The following SUPV3L1 variants were observed in gnomAD, a reference collection of about 807,000 sequenced individuals.
SUPV3L1 encodes ATP-dependent RNA helicase SUPV3L1, mitochondrial.
Under a neutral mutation model 70.0 loss-of-function variants are expected in SUPV3L1, and 35 were observed. The ratio of observed to expected loss-of-function variants is 0.50; its 90% CI spans 0.38 to 0.66. The LOEUF is 0.66. Among genes scored for constraint, SUPV3L1 ranks in the 30% least tolerant of loss-of-function variants. SUPV3L1 has a pLI of 0.00. For synonymous variants in SUPV3L1, 364 were observed against 341.9 expected, an observed-to-expected ratio of 1.06 and a Z score of -0.71; for missense variants, 777 against 961.5, an observed-to-expected ratio of 0.81 and a Z score of 2.54.
rs778100081 is a variant in SUPV3L1 at position 69,187,770 on chromosome 10, T to C, written c.572+14T>C. 24 of 1,523,396 alleles carry C rather than the reference T, an allele frequency of 1.6e-5. No homozygotes were observed. In the South Asian group the frequency reaches 2.9e-4, roughly 18 times the overall value. 94.4% of individuals were successfully genotyped at this position (1,523,396 alleles called of 1,614,324 possible). A position where few individuals can be genotyped will look rare whatever the true frequency, so the allele number is the denominator to read the frequency against. On this transcript the variant is annotated intron_variant, in intron 4 of 14. Transcript: ENST00000359655. Reference sequence around the variant, plus strand: ...ACCACCTAACTGGTTAGTTTCTCCATTTGTGGATTTGAAATTTTCAGTTTC... The same window carrying C: ...ACCACCTAACTGGTTAGTTTCTCCACTTGTGGATTTGAAATTTTCAGTTTC...
intron 8 of SUPV3L1, 100 bp downstream of exon 8, chr10:69,197,183 T>C: frequency 1.1e-6 from 1 of 914,202 alleles, no homozygotes; most frequent in South Asian, 1.4e-5. Flanking sequence ...GCGTCAGAAC[T>C]TAACTAAAAA....
chr10:69,201,434 T>C (rs938788664), intron 11 of SUPV3L1, among the ~76,000 whole-genome samples: 1 of 152,194 alleles, frequency 6.6e-6, no homozygotes, highest in Admixed American at 6.5e-5. Context: ...GTTAGTTTTA[T>C]TGCCTTGGTT....
In SUPV3L1 at chr10:69,180,373, C is replaced by T. The variant is rs758548235; in HGVS notation, c.82C>T (p.Leu28Phe). ...CCACCGGGCAGCCATCTGCTCTGCC[C>T]TTCGTCCCCACTTTGGGCCCTTTCC... ...AGHRAAICSA[L>F]RPHFGPFPGV... The change falls in exon 1 of 15, where the codon CTT becomes TTT. Residue 28 changes from leucine to phenylalanine, a missense_variant. This residue lies in a region of SUPV3L1 where 158 missense variants were observed against 138.3 expected (regional missense o/e 1.14). Coordinates refer to ENST00000359655, the MANE Select transcript of SUPV3L1 (RefSeq NM_003171.5). The T allele has an allele frequency of 6.2e-7, 1 of 1,614,260 alleles. No homozygotes were observed. Among genetic ancestry groups the T allele is most frequent in the South Asian group, 1.1e-5 (1 of 91,090 alleles).
chr10:69,186,471 C>T lies in SUPV3L1; in HGVS notation c.378C>T (p.Ser126=), dbSNP rs1358788607. 1 of 1,613,756 alleles carries T rather than the reference C, an allele frequency of 6.2e-7. No individual in the cohort carries two copies. Among genetic ancestry groups the T allele is most frequent in the African/African-American group, 1.3e-5 (1 of 74,912 alleles). Residue 126 remains serine, a synonymous_variant, in exon 3 of 15, where the codon AGC becomes AGT. Coordinates refer to ENST00000359655, the MANE Select transcript of SUPV3L1 (RefSeq NM_003171.5). ...DARLFHQAFI[S]FRNYIMQSHS... The stretch of plus-strand genomic sequence containing the variant: ...GTCTCTTCCACCAAGCTTTCATAAG[C>T]TTTAGAAATTATATTATGCAGTCTC...
intron 7 of SUPV3L1, 24 bp downstream of exon 7, chr10:69,195,289 AC>A: frequency 6.4e-7 from 1 of 1,566,650 alleles, no homozygotes; most frequent in Non-Finnish European, 8.7e-7. Context: ...ATGCTATAAA[AC>A]CCGTGCTTTA....
At chr10:69,201,738 T>A (rs772945245) in intron 11 of SUPV3L1, among the ~76,000 whole-genome samples, 1 of 152,036 alleles carries the variant, frequency 6.6e-6, no homozygotes, top group Non-Finnish European at 1.5e-5. Context: ...GGAATCTCCT[T>A]TTGTTGCCCA....
chr10:69,193,663 G>A (rs2135588), intron 6 of SUPV3L1, among the ~76,000 whole-genome samples: 27,263 of 151,914 alleles, frequency 0.18, 2,856 homozygotes, highest in Non-Finnish European at 0.23. Context: ...GCCTCGCCTC[G>A]GCCTCCCAAA....
intron 1 of SUPV3L1, among the ~76,000 whole-genome samples, chr10:69,184,934 T>A (rs1324596434): frequency 1.3e-5 from 2 of 152,244 alleles, no homozygotes; most frequent in Non-Finnish European, 2.9e-5. Flanking sequence ...AGTAAAATGT[T>A]TATTGAATAA....
rs779243875 is a variant in SUPV3L1 at position 69,197,066 on chromosome 10, A to G, written c.1006A>G (p.Thr336Ala). Residue 336 changes from threonine to alanine, a missense_variant, in exon 8 of 15, where the codon ACG becomes GCG. This residue lies in a region of SUPV3L1 where 619 missense variants were observed against 823.3 expected (regional missense o/e 0.75). Transcript: ENST00000359655. ...IDLVMELMYT[T>A]GEEVEVRDYK... ...CCTGGTGATGGAGCTTATGTACACA[A>G]CGGGGGAGGAAGTGGAGGTATTCGA... 12 of 1,613,990 alleles carry G rather than the reference A, an allele frequency of 7.4e-6. No individual in the cohort carries two copies. The highest frequency in any genetic ancestry group is 1.0e-5 in the Non-Finnish European group (12 of 1,179,976).
intron 10 of SUPV3L1, 69 bp from the exon 11 acceptor site, chr10:69,200,211 T>G: frequency 7.7e-7 from 1 of 1,296,892 alleles, no homozygotes. Flanking sequence ...GGAGTGAGCA[T>G]TATGCAATGA....
chr10:69,204,777 CTT>C (rs71035076), intron 13 of SUPV3L1, among the ~76,000 whole-genome samples: 7 of 144,754 alleles, frequency 4.8e-5, no homozygotes, highest in African/African-American at 5.1e-5. Context: ...AAAAAATTAT[CTT>C]TTTTTTTTTT....
intron 3 of SUPV3L1, among the ~76,000 whole-genome samples, chr10:69,187,073 A>G (rs1589377943): frequency 1.3e-5 from 2 of 152,230 alleles, no homozygotes; most frequent in Middle Eastern, 6.8e-3. Context: ...AGGAACAAAC[A>G]CATGTTTTTG....
chr10:69,207,695 A>G (rs1388606918), intron 13 of SUPV3L1, 98 bp from the exon 14 acceptor site: 3 of 1,389,080 alleles, frequency 2.2e-6, no homozygotes, highest in Non-Finnish European at 2.9e-6. Flanking sequence ...AAATACAACC[A>G]CAATGTTTTG....
intron 3 of SUPV3L1, among the ~76,000 whole-genome samples, chr10:69,187,001 C>T (rs751661442): frequency 3.9e-5 from 6 of 152,302 alleles, no homozygotes; most frequent in Admixed American, 1.3e-4. Context: ...GAGGATACAA[C>T]GCAGAATGGG....
Position 69,209,061 on chromosome 10 carries a change from T to C in SUPV3L1, c.*26T>C. Reference sequence around the variant, plus strand: ...TTTTCTGTTCCTGTTTTTTTTTTTTTATTTAATTTTGCAAATAAAAATTTA... The same window carrying C: ...TTTTCTGTTCCTGTTTTTTTTTTTTCATTTAATTTTGCAAATAAAAATTTA... On this transcript the variant is annotated 3_prime_UTR_variant, in exon 15 of 15. Coordinates refer to ENST00000359655, the MANE Select transcript of SUPV3L1 (RefSeq NM_003171.5). 6.7e-7 allele frequency: 1 copy of C among 1,491,706 alleles called. No homozygotes were observed. The highest frequency in any genetic ancestry group is 9.0e-7 in the Non-Finnish European group (1 of 1,115,898). 92.4% of individuals were successfully genotyped at this position (1,491,706 alleles called of 1,614,324 possible). A position where few individuals can be genotyped will look rare whatever the true frequency, so the allele number is the denominator to read the frequency against.
rs140290796 is a variant in SUPV3L1 at position 69,208,642 on chromosome 10, A to C, written c.1968A>C (p.Arg656=). ...TGTTTCCAGATGCCAGCCTTATTCG[A>C]GATCTCCAGAAAGAACTAGATGGTA... ...MDMFPDASLI[R]DLQKELDGII... is the part of the protein sequence containing the mutation. The change falls in exon 15 of 15, where the codon CGA becomes CGC. Residue 656 remains arginine, a synonymous_variant. Transcript: ENST00000359655. The C allele has an allele frequency of 1.2e-5, 20 of 1,613,692 alleles. No individual in the cohort carries two copies. The highest frequency in any genetic ancestry group is 1.6e-5 in the Non-Finnish European group (19 of 1,179,550).
chr10:69,196,652 C>T (rs1190973143), intron 7 of SUPV3L1, among the ~76,000 whole-genome samples: 1 of 152,076 alleles, frequency 6.6e-6, no homozygotes, highest in Non-Finnish European at 1.5e-5. Flanking sequence ...GGTACCTCAG[C>T]GATTCCATGG....
At chr10:69,182,541 T>C (rs912032736) in intron 1 of SUPV3L1, 9 of 985,400 alleles carry the variant, frequency 9.1e-6, no homozygotes, top group Non-Finnish European at 1.1e-5. Flanking sequence ...CACCTGAAAA[T>C]GTAAATGTCT....
chr10:69,200,498 G>C lies in SUPV3L1; in HGVS notation c.1517G>C (p.Arg506Thr). 1.2e-6 allele frequency: 2 copies of C among 1,611,510 alleles called. No individual in the cohort carries two copies. Among genetic ancestry groups the C allele is most frequent in the South Asian group, 1.1e-5 (1 of 90,974 alleles). Reference protein sequence around the residue: ...EILKRPVDPIRAAGLHPTAEQ... With the variant: ...EILKRPVDPITAAGLHPTAEQ... ...TTGAAGAGGCCTGTGGATCCTATAA[G>C]GGTAAGAGGTAACATGTTAACTACT... Residue 506 changes from arginine (R) to threonine (T), a missense_variant and splice_region_variant, in exon 11 of 15, where the codon AGG becomes ACG. Coordinates refer to ENST00000359655, the MANE Select transcript of SUPV3L1 (RefSeq NM_003171.5).
Sources: gnomAD v4.1 joint callset for allele counts (sites outside exome capture counted in the v4.1 genomes callset) on GRCh38, gnomAD v4.1.1 for gene constraint, gnomAD v4.1.1 regional missense constraint, MANE v1.5 for transcripts, NCBI Gene and HGNC (gene_info 2026-07-23, HGNC 2026-07-21) for gene names.